PAK6: variants seen among roughly 807,000 people sequenced by gnomAD.
The protein encoded by PAK6 is p21 (RAC1) activated kinase 6.
A neutral mutation model predicts 60.8 loss-of-function variants in PAK6; 33 were observed. The observed-to-expected ratio is 0.54, with a 90% confidence interval of 0.41 to 0.73. PAK6 has a LOEUF of 0.73. Ranked by LOEUF, PAK6 falls within the 30% of genes least tolerant of loss-of-function variation. The probability of loss-of-function intolerance (pLI) is 0.00; values close to 1 mark genes in which losing one functional copy is unlikely to be tolerated. For missense variants in PAK6, 845 were observed against 904.1 expected (o/e 0.93, Z 0.84); for synonymous variants, 404 against 378.5 (o/e 1.07, Z -0.78).
rs761597113 is a variant in PAK6 at position 40,273,682 on chromosome 15, C to T, written c.1743+6C>T. The T allele has an allele frequency of 7.4e-6, 12 of 1,613,056 alleles. No homozygotes were observed. Among genetic ancestry groups the T allele is most frequent in the Admixed American group, 5.0e-5 (3 of 59,956 alleles). ...GGTCTTTGTATGCCACTGAGGTAAC[C>T]GTTCCCTCCACCCCCCAGACCTCCC... is the stretch of plus-strand genomic sequence containing the variant. On this transcript the variant is annotated splice_donor_region_variant and intron_variant, in intron 9 of 10. Transcript: ENST00000560346.
intron 5 of PAK6, 59 bp downstream of exon 5, chr15:40,266,554 C>T: frequency 6.9e-7 from 1 of 1,458,068 alleles, no homozygotes; most frequent in Non-Finnish European, 9.1e-7. Context: ...GGACACAGGC[C>T]TTGCCTAGCC....
At chr15:40,270,171 C>A (rs2039261957) in intron 5 of PAK6, among the ~76,000 whole-genome samples, 1 of 152,120 alleles carries the variant, frequency 6.6e-6, no homozygotes, top group Non-Finnish European at 1.5e-5. Flanking sequence ...GTGAGCCCTG[C>A]CCCACTTCCC....
chr15:40,276,228 C>T, exon 11 of PAK6: 1 of 893,750 alleles, frequency 1.1e-6, no homozygotes, highest in Non-Finnish European at 1.7e-6. Flanking sequence ...CCAGCCCCAC[C>T]CTCTGCCCTT....
At chr15:40,265,977 C>T in exon 5 of PAK6, 1 of 1,602,740 alleles carries the variant, frequency 6.2e-7, no homozygotes, top group Non-Finnish European at 8.5e-7. Flanking sequence ...GGCACAGTCC[C>T]TGGGGCTGCT....
At chr15:40,241,780 C>T (rs549083010) in intron 2 of PAK6, among the ~76,000 whole-genome samples, 22 of 152,194 alleles carry the variant, frequency 1.4e-4, no homozygotes, top group Non-Finnish European at 2.8e-4. Flanking sequence ...GTGGGGTCTC[C>T]AGCCAAGGAA....
chr15:40,262,029 TTGGGGAGA>T (rs149136003), intron 3 of PAK6, among the ~76,000 whole-genome samples: 8,046 of 149,096 alleles, frequency 0.054, 836 homozygotes, highest in East Asian at 0.49. Context: ...GGCAGGGGAG[TTGGGGAGA>T]GGGCTGTTCT....
rs150846612 is a variant in PAK6 at position 40,244,037 on chromosome 15, C to T, written c.-118+3356C>T. On this transcript the variant is annotated intron_variant, in intron 2 of 10. Coordinates refer to ENST00000560346, the Ensembl canonical transcript of PAK6. ...CACTCTGGCAAGTAGCTTAGAAATG[C>T]CTAGTAATCGTGGGCAAGGTGCAGT... Among the ~76,000 whole-genome samples the T allele has an allele frequency of 7.0e-3, 1,064 of 152,292 alleles. 10 individuals are homozygous for T. The highest frequency in any genetic ancestry group is 0.027 in the Middle Eastern group (8 of 294).
exon 7 of PAK6, chr15:40,272,926 G>T (rs749351655): frequency 6.2e-7 from 1 of 1,614,140 alleles, no homozygotes; most frequent in Admixed American, 1.7e-5. Flanking sequence ...GAGCTACCTG[G>T]TGGGCGAGGA....
intron 3 of PAK6, 103 bp from the exon 4 acceptor site, chr15:40,264,678 C>A: frequency 1.1e-6 from 1 of 908,572 alleles, no homozygotes; most frequent in Non-Finnish European, 1.8e-6. Context: ...TCTAGGGGAG[C>A]TGTGCTGGGG....
At chr15:40,257,263 C>T (rs926213242) in intron 3 of PAK6, among the ~76,000 whole-genome samples, 1 of 152,262 alleles carries the variant, frequency 6.6e-6, no homozygotes, top group African/African-American at 2.4e-5. Flanking sequence ...TCCCAGCAAT[C>T]CCAGCGCTTA....
At chr15:40,243,620 G>A (rs922867419) in intron 2 of PAK6, among the ~76,000 whole-genome samples, 5 of 152,206 alleles carry the variant, frequency 3.3e-5, no homozygotes, top group African/African-American at 7.2e-5. Context: ...AAGGCTTCAC[G>A]GAGGAGGTGA....
chr15:40,246,454 A>G (rs2038497083), intron 2 of PAK6: 1 of 152,190 alleles, frequency 6.6e-6, no homozygotes, highest in African/African-American at 2.4e-5. Flanking sequence ...GGATCCAGAA[A>G]GGTGGGGAGA....
In PAK6 at chr15:40,273,967, G is replaced by T. The variant is rs575312757; in HGVS notation, c.1744-175G>T. On this transcript the variant is annotated intron_variant, in intron 9 of 10. Coordinates refer to ENST00000560346, the Ensembl canonical transcript of PAK6. ...TGACAGCTGTGTCCCTATAGGCAGT[G>T]GTCACTCATGCAGGCAGTAACTGGC... 47 of 751,928 alleles carry T rather than the reference G, an allele frequency of 6.3e-5. 1 individual carries two copies. In the South Asian group the frequency reaches 7.5e-4, roughly 12 times the overall value. The allele number at this position is 751,928 out of a possible 1,614,324, so 46.6% of individuals were successfully genotyped here.
chr15:40,252,201 G>A, intron 2 of PAK6: 2 of 1,110,906 alleles, frequency 1.8e-6, no homozygotes, highest in Admixed American at 3.7e-5. Context: ...CACGCGGCCC[G>A]CTCAGGTCCG....
chr15:40,273,588 G>A (rs113493588), exon 9 of PAK6: 1 of 1,614,070 alleles, frequency 6.2e-7, no homozygotes, highest in Non-Finnish European at 8.5e-7. Flanking sequence ...GCTCAGATCA[G>A]CAAAGACGTC....
rs546056881 is a variant in PAK6 at position 40,264,700 on chromosome 15, G to A, written c.-5-81G>A. On this transcript the variant is annotated intron_variant, in intron 3 of 10. Coordinates refer to ENST00000560346, the Ensembl canonical transcript of PAK6. ...GAGCTGTGCTGGGGGAGGGGAGGGA[G>A]CCCTGAACCTGGTGCCCCAGGCCCT... The A allele has an allele frequency of 8.8e-5, 104 of 1,179,550 alleles. No individual in the cohort carries two copies. The African/African-American group carries it at 1.2e-3, about 14-fold the overall frequency. The allele number at this position is 1,179,550 out of a possible 1,614,324, so 73.1% of individuals were successfully genotyped here. A position where few individuals can be genotyped will look rare whatever the true frequency, so the allele number is the denominator to read the frequency against.
chr15:40,274,008 C>A, intron 9 of PAK6, 134 bp from the exon 10 acceptor site: 1 of 1,038,594 alleles, frequency 9.6e-7, no homozygotes, highest in Admixed American at 1.9e-5. Context: ...GGCAGGTGAC[C>A]AGGGGAGGAA....
At chr15:40,269,082 A>T (rs1165296735) in intron 5 of PAK6, among the ~76,000 whole-genome samples, 1 of 152,176 alleles carries the variant, frequency 6.6e-6, no homozygotes, top group Non-Finnish European at 1.5e-5. Context: ...GCAGTGGCAC[A>T]ATCTTGGCTC....
chr15:40,261,364 C>A (rs931539964), intron 3 of PAK6, among the ~76,000 whole-genome samples: 4 of 151,554 alleles, frequency 2.6e-5, no homozygotes, highest in African/African-American at 9.7e-5. Context: ...TGGTGAAACC[C>A]CATCTCTACT....
Sources: gnomAD v4.1 joint callset for allele counts (sites outside exome capture counted in the v4.1 genomes callset) on GRCh38, gnomAD v4.1.1 for gene constraint, MANE v1.5 for transcripts, NCBI Gene and HGNC (gene_info 2026-07-23, HGNC 2026-07-21) for gene names.